The following TOX variants were observed in gnomAD, a reference collection of about 807,000 sequenced individuals.
The protein encoded by TOX is thymocyte selection-associated high mobility group box protein TOX.
In TOX, 11 loss-of-function variants were observed where a neutral mutation model predicts 53.7. The observed-to-expected ratio is 0.20, with a 90% CI of 0.13 to 0.34. The LOEUF (loss-of-function observed/expected upper bound fraction) is 0.34, where lower values mean the gene tolerates loss of function less well. TOX is among the 10% of genes least tolerant of loss of function. The pLI is 1.00. For missense variants in TOX, 570 were observed against 664.6 expected (o/e 0.86, Z 1.56); for synonymous variants, 225 against 245.3 (o/e 0.92, Z 0.77).
intron 1 of TOX, among the ~76,000 whole-genome samples, chr8:58,964,596 T>G (rs369360164): frequency 6.6e-6 from 1 of 152,188 alleles, no homozygotes; most frequent in African/African-American, 2.4e-5. Flanking sequence ...ATTATAGCTC[T>G]TGGTCTTAGA....
intron 1 of TOX, among the ~76,000 whole-genome samples, chr8:58,994,144 A>G (rs150102489): frequency 2.0e-5 from 3 of 152,282 alleles, no homozygotes; most frequent in East Asian, 3.9e-4. Context: ...GAAGACTCAT[A>G]TGAAATGATT....
chr8:59,057,399 G>C (rs1803905121), intron 1 of TOX, among the ~76,000 whole-genome samples: 1 of 152,032 alleles, frequency 6.6e-6, no homozygotes, highest in South Asian at 2.1e-4. Context: ...TCATAGGTTT[G>C]TTGTGAGAAT....
chr8:59,032,667 C>T (rs1010556006), intron 1 of TOX, among the ~76,000 whole-genome samples: 2 of 152,198 alleles, frequency 1.3e-5, no homozygotes, highest in Non-Finnish European at 1.5e-5. Flanking sequence ...ACTTAAAGCT[C>T]ATGGATACCC....
At chr8:58,945,186 C>T (rs1812507057) in intron 2 of TOX, among the ~76,000 whole-genome samples, 1 of 152,142 alleles carries the variant, frequency 6.6e-6, no homozygotes, top group Non-Finnish European at 1.5e-5. Context: ...ACCAACCCAA[C>T]TAAAAGGCGA....
At chr8:58,870,841 C>A (rs1384804013) in intron 3 of TOX, among the ~76,000 whole-genome samples, 1 of 151,924 alleles carries the variant, frequency 6.6e-6, no homozygotes, top group African/African-American at 2.4e-5. Context: ...CTACCCCAGG[C>A]CCCAAAAGAA....
At chr8:58,866,095 A>G (rs1290185889) in intron 3 of TOX, among the ~76,000 whole-genome samples, 2 of 152,174 alleles carry the variant, frequency 1.3e-5, no homozygotes, top group African/African-American at 4.8e-5. Context: ...TCAGCCTCCC[A>G]AAGTGCTGGG....
In TOX at chr8:58,963,724, A is replaced by T. The variant is rs537928750; in HGVS notation, c.103-3716T>A. Among the ~76,000 whole-genome samples the T allele has an allele frequency of 1.9e-4, 29 of 152,206 alleles. No homozygotes were observed. The South Asian group carries it at 5.6e-3, about 29-fold the overall frequency. The stretch of plus-strand genomic sequence containing the variant: ...CCTTAGTGAGGGCTGGGCTGTCTGC[A>T]GGCTCTGGGCTCCCCTAGGCAGCCC... On this transcript the variant is annotated intron_variant, in intron 1 of 8. Coordinates refer to ENST00000361421, the MANE Select transcript of TOX (RefSeq NM_014729.3).
chr8:58,939,219 A>C (rs564535307), intron 3 of TOX, 83 bp downstream of exon 3: 214 of 1,526,936 alleles, frequency 1.4e-4, no homozygotes, highest in Non-Finnish European at 1.8e-4. Context: ...CTATTATCAC[A>C]ATGCCAGGCC....
At chr8:59,040,134 C>A (rs1045816616) in intron 1 of TOX, among the ~76,000 whole-genome samples, 58 of 151,960 alleles carry the variant, frequency 3.8e-4, no homozygotes, top group Non-Finnish European at 5.6e-4. Context: ...TCGAGACCAT[C>A]CCGGGTAAAA....
intron 1 of TOX, among the ~76,000 whole-genome samples, chr8:58,993,398 T>C (rs1813492626): frequency 6.6e-6 from 1 of 152,110 alleles, no homozygotes; most frequent in South Asian, 2.1e-4. Flanking sequence ...TGCTATAAAG[T>C]TTCACCAGGA....
intron 3 of TOX, among the ~76,000 whole-genome samples, chr8:58,915,058 C>T (rs1367823525): frequency 2.7e-5 from 4 of 148,700 alleles, no homozygotes; most frequent in African/African-American, 7.4e-5. Flanking sequence ...CCTACGCCCA[C>T]GGAATCTCGC....
rs57428136 is a variant in TOX at position 59,105,412 on chromosome 8, C to A, written c.102+13474G>T. On this transcript the variant is annotated intron_variant, in intron 1 of 8. Transcript: ENST00000361421. ...CCTTGCCTAAGCTCTCAGTATAAAG[C>A]ACAAAATAGTCTTCCATAACATTAG... Among the ~76,000 whole-genome samples the A allele has an allele frequency of 1.6e-3, 241 of 152,024 alleles. 1 individual carries two copies. Among genetic ancestry groups the A allele is most frequent in the African/African-American group, 5.5e-3 (228 of 41,464 alleles).
chr8:58,885,239 A>C (rs1450041379), intron 3 of TOX, among the ~76,000 whole-genome samples: 1 of 152,098 alleles, frequency 6.6e-6, no homozygotes, highest in South Asian at 2.1e-4. Context: ...AATACGACAA[A>C]AGCAGTAATC....
At chr8:58,996,960 G>A (rs1314953817) in intron 1 of TOX, among the ~76,000 whole-genome samples, 10 of 152,126 alleles carry the variant, frequency 6.6e-5, no homozygotes, top group South Asian at 2.1e-4. Flanking sequence ...TTTCAGACTC[G>A]CATAGCTGTT....
chr8:58,911,151 C>T (rs1811902634), intron 3 of TOX, among the ~76,000 whole-genome samples: 1 of 152,044 alleles, frequency 6.6e-6, no homozygotes, highest in African/African-American at 2.4e-5. Context: ...TCCAAATCCC[C>T]TTGGGAGTTT....
intron 2 of TOX, among the ~76,000 whole-genome samples, chr8:58,959,535 G>C (rs748277321): frequency 2.0e-5 from 3 of 152,140 alleles, no homozygotes; most frequent in Admixed American, 2.0e-4. Flanking sequence ...TTTGGGTTAC[G>C]AACGTTACGT....
At chr8:58,926,000 T>A (rs922403721) in intron 3 of TOX, among the ~76,000 whole-genome samples, 4 of 152,180 alleles carry the variant, frequency 2.6e-5, no homozygotes, top group African/African-American at 9.7e-5. Flanking sequence ...GGTAAATCCA[T>A]CCCGGACTAA....
At chr8:59,070,225 A>G (rs930628053) in intron 1 of TOX, among the ~76,000 whole-genome samples, 6 of 152,204 alleles carry the variant, frequency 3.9e-5, no homozygotes, top group African/African-American at 1.2e-4. Context: ...GTTTAAGTTT[A>G]AATGGAAAGG....
At chr8:59,079,991 T>C (rs1804372001) in intron 1 of TOX, among the ~76,000 whole-genome samples, 1 of 151,570 alleles carries the variant, frequency 6.6e-6, no homozygotes, top group Admixed American at 6.6e-5. Context: ...TTTTCTTTTT[T>C]TTTTTTTTTG....
Sources: allele counts gnomAD v4.1 joint callset (sites outside exome capture counted in the v4.1 genomes callset), GRCh38; gene constraint gnomAD v4.1.1; transcripts MANE v1.5; gene names NCBI Gene and HGNC (gene_info 2026-07-23, HGNC 2026-07-21).